The following SBNO2 variants were observed in gnomAD, a reference collection of about 807,000 sequenced individuals.
The protein encoded by SBNO2 is strawberry notch homolog 2, also known as protein strawberry notch homolog 2.
SBNO2 carries 89 observed loss-of-function variants against 146.3 expected under a neutral mutation model. That is an observed-to-expected ratio of 0.61 (90% CI 0.51 to 0.73). SBNO2 has a LOEUF of 0.73. SBNO2 is among the 30% of genes least tolerant of loss of function. The pLI is 0.00. For synonymous variants in SBNO2, 1,147 were observed against 892.6 expected (o/e 1.29, Z -5.08); for missense variants, 2,092 against 2,003.7 (o/e 1.04, Z -0.84).
rs1192976573 is a variant in SBNO2, at chr19:1,172,784, C to CG, written c.-127+1387_-127+1388insC. On this transcript the variant is annotated intron_variant, in intron 1 of 31. Coordinates refer to ENST00000361757, the MANE Select transcript of SBNO2 (RefSeq NM_014963.3). ...TAAAACACTCACTGCAACCGCCCCC[C>CG]CCGCCCCGGCAAACTGGCAGCCAGC... Among the ~76,000 whole-genome samples, 2 of 90,294 alleles carry CG rather than the reference C, an allele frequency of 2.2e-5. 1 individual carries two copies. The highest frequency in any genetic ancestry group is 4.6e-5 in the Non-Finnish European group (2 of 43,800). The allele number at this position is 90,294 out of a possible 152,430, so 59.2% of individuals were successfully genotyped here. A position where few individuals can be genotyped will look rare whatever the true frequency, so the allele number is the denominator to read the frequency against.
Position 1,147,338 on chromosome 19 carries a change from A to G in SBNO2, c.250T>C (p.Leu84=). 1 of 1,565,690 alleles carries G rather than the reference A, an allele frequency of 6.4e-7. No individual in the cohort carries two copies. Among genetic ancestry groups the G allele is most frequent in the Non-Finnish European group, 8.6e-7 (1 of 1,159,130 alleles). The change falls in exon 4 of 32, where the codon TTG becomes CTG. Residue 84 remains leucine, a synonymous_variant. Coordinates refer to ENST00000361757, the MANE Select transcript of SBNO2 (RefSeq NM_014963.3). ...SYAPVATASS[L]PPKTCDFAQD... ...GCAAAGTCGCAGGTCTTTGGTGGCAAGCTGGAGGCGGTGGCCACGGGGGCA... is the reference window on the plus strand; with the variant it reads ...GCAAAGTCGCAGGTCTTTGGTGGCAGGCTGGAGGCGGTGGCCACGGGGGCA...
At chr19:1,117,621 A>ATGGGGGTGC (rs2079849190) in intron 14 of SBNO2, 122 bp from the exon 15 acceptor site, 9 of 1,030,322 alleles carry the variant, frequency 8.7e-6, no homozygotes, top group Non-Finnish European at 8.3e-6. Context: ...TTAGGGCAGG[A>ATGGGGGTGC]TGGGGGTGCT....
At chr19:1,122,601 C>A in intron 9 of SBNO2, 43 bp from the exon 10 acceptor site, 3 of 1,452,126 alleles carry the variant, frequency 2.1e-6, no homozygotes, top group Non-Finnish European at 2.8e-6. Context: ...TTCCCCCTCG[C>A]CCCCCGCTTC....
In SBNO2 at chr19:1,138,448, G is replaced by C. The variant is rs1230987045; in HGVS notation, c.279+8861C>G. ...GACCCAGTCATGCCTGGAACACACA[G>C]ACATGGACCTGCATATGGACGCTGC... On this transcript the variant is annotated intron_variant, in intron 4 of 31. Coordinates refer to ENST00000361757, the MANE Select transcript of SBNO2 (RefSeq NM_014963.3). Among the ~76,000 whole-genome samples, 3 of 151,934 alleles carry C rather than the reference G, an allele frequency of 2.0e-5. No individual in the cohort carries two copies. In the East Asian group the frequency reaches 5.8e-4, roughly 29 times the overall value.
intron 3 of SBNO2, among the ~76,000 whole-genome samples, chr19:1,149,022 G>A (rs1599867191): frequency 7.2e-5 from 1 of 13,900 alleles, no homozygotes; most frequent in African/African-American, 3.4e-4. Flanking sequence ...AAAACCTCCC[G>A]CCCCTTCCCA....
intron 17 of SBNO2, 96 bp from the exon 18 acceptor site, chr19:1,114,518 G>A (rs1192206272): frequency 8.5e-6 from 9 of 1,061,140 alleles, no homozygotes; most frequent in African/African-American, 3.3e-5. Context: ...CCAGTGGTCC[G>A]AGCTGGGGAG....
intron 4 of SBNO2, among the ~76,000 whole-genome samples, chr19:1,139,257 T>G (rs1373011293): frequency 6.6e-6 from 1 of 151,950 alleles, no homozygotes; most frequent in African/African-American, 2.4e-5. Flanking sequence ...ATGCAGCGTG[T>G]GATCCCATTT....
In SBNO2 at chr19:1,173,851, C is replaced by G. The variant is rs1015335688; in HGVS notation, c.-127+321G>C. ...CGGTACAGGGAGTCACCCGGAAGAG[C>G]GGGAAGGAAAGGTTGGGAGGGTTGT... On this transcript the variant is annotated intron_variant, in intron 1 of 31. Transcript: ENST00000361757. The surrounding 1 kb of genome is among the most constrained non-coding windows in gnomAD (Gnocchi z 4.7). 1 of 120,858 alleles carries G rather than the reference C, an allele frequency of 8.3e-6. No individual in the cohort carries two copies. The highest frequency in any genetic ancestry group is 3.2e-5 in the African/African-American group (1 of 31,262). The allele number at this position is 120,858 out of a possible 1,614,324, so 7.5% of individuals were successfully genotyped here. A position where few individuals can be genotyped will look rare whatever the true frequency, so the allele number is the denominator to read the frequency against.
chr19:1,142,226 T>C, intron 4 of SBNO2, among the ~76,000 whole-genome samples: 1 of 20,240 alleles, frequency 4.9e-5, no homozygotes, highest in African/African-American at 1.8e-4. Context: ...CAACCCTCCC[T>C]CAATGACCTC....
At chr19:1,124,977 G>A (rs1272085203) in intron 5 of SBNO2, among the ~76,000 whole-genome samples, 2 of 152,042 alleles carry the variant, frequency 1.3e-5, no homozygotes. Context: ...GGATGGTAGG[G>A]TCCAAACTAG....
chr19:1,146,593 C>T (rs1307870687), intron 4 of SBNO2, among the ~76,000 whole-genome samples: 1 of 151,822 alleles, frequency 6.6e-6, no homozygotes, highest in African/African-American at 2.4e-5. Context: ...CAGCCCCTGG[C>T]CCCGGGTCCC....
chr19:1,130,230 GC>G (rs1219324080), intron 4 of SBNO2, among the ~76,000 whole-genome samples: 1 of 152,214 alleles, frequency 6.6e-6, no homozygotes, highest in Admixed American at 6.5e-5. Context: ...TGGTTCATCA[GC>G]CGTGACAGCC....
In SBNO2 at chr19:1,117,738, G is replaced by A. The variant is rs112816417; in HGVS notation, c.1528-239C>T. Reference sequence around the variant, plus strand: ...GTGCTGCAAACTGCACAGACTCCGCGCCCGCGGCAAACAGGCTCAGCTCCT... The same window carrying A: ...GTGCTGCAAACTGCACAGACTCCGCACCCGCGGCAAACAGGCTCAGCTCCT... On this transcript the variant is annotated intron_variant, in intron 14 of 31. Transcript: ENST00000361757. 2.3e-3 allele frequency among the ~76,000 whole-genome samples: 343 copies of A among 152,374 alleles called. 3 individuals are homozygous for A. Among genetic ancestry groups the A allele is most frequent in the Non-Finnish European group, 1.7e-3 (119 of 68,034 alleles).
chr19:1,145,238 G>A (rs560076359), intron 4 of SBNO2, among the ~76,000 whole-genome samples: 10 of 151,472 alleles, frequency 6.6e-5, no homozygotes, highest in East Asian at 1.9e-4. Flanking sequence ...AGGCTGAGGC[G>A]GGCGGATCAC....
At chr19:1,165,480 G>A (rs2080404487) in intron 1 of SBNO2, among the ~76,000 whole-genome samples, 1 of 152,154 alleles carries the variant, frequency 6.6e-6, no homozygotes, top group Non-Finnish European at 1.5e-5. Context: ...AGTGGTGGTT[G>A]CTGGCACTCA....
At chr19:1,115,739 T>TAGA (rs1206216468) in intron 17 of SBNO2, 1 of 535,342 alleles carries the variant, frequency 1.9e-6, no homozygotes, top group East Asian at 3.4e-5. Flanking sequence ...GGGAGGGGTC[T>TAGA]CGCTCAGCAC....
rs1187639391 is a variant in SBNO2 at position 1,108,076 on chromosome 19, C to A, written c.*144G>T. The stretch of plus-strand genomic sequence containing the variant: ...CCCGCCAGGGCTGACCAGGTGGGGG[C>A]CCGGGTCGGGCGCTGAAGGCACTGC... On this transcript the variant is annotated 3_prime_UTR_variant, in exon 32 of 32. Coordinates refer to ENST00000361757, the MANE Select transcript of SBNO2 (RefSeq NM_014963.3). 8 of 956,624 alleles carry A rather than the reference C, an allele frequency of 8.4e-6. No homozygotes were observed. In the African/African-American group the frequency reaches 9.0e-5, roughly 11 times the overall value. The allele number at this position is 956,624 out of a possible 1,614,324, so 59.3% of individuals were successfully genotyped here.
intron 1 of SBNO2, among the ~76,000 whole-genome samples, chr19:1,165,104 G>C (rs2080399943): frequency 6.6e-6 from 1 of 152,098 alleles, no homozygotes; most frequent in Non-Finnish European, 1.5e-5. Flanking sequence ...CGCCCAACAG[G>C]TAGGATCCAG....
chr19:1,131,420 T>C (rs1431965267), intron 4 of SBNO2, among the ~76,000 whole-genome samples: 1 of 63,370 alleles, frequency 1.6e-5, no homozygotes, highest in Non-Finnish European at 3.1e-5. Context: ...GGTGGGGAGC[T>C]GGGAGGACCT....
Sources: allele counts gnomAD v4.1 joint callset (sites outside exome capture counted in the v4.1 genomes callset), GRCh38; gene constraint gnomAD v4.1.1; non-coding constraint Gnocchi (gnomAD v3.1); transcripts MANE v1.5; gene names NCBI Gene and HGNC (gene_info 2026-07-23, HGNC 2026-07-21).